SLC25A48: variants seen among roughly 807,000 people sequenced by gnomAD.
SLC25A48 encodes CTC-321K16.1.
In SLC25A48, 29 loss-of-function variants were observed where a neutral mutation model predicts 32.2. That is an observed-to-expected ratio of 0.90 (90% CI 0.67 to 1.23). SLC25A48 has a LOEUF of 1.23. Among genes scored for constraint, SLC25A48 ranks in the 50% most tolerant of loss-of-function variants. The probability of loss-of-function intolerance (pLI) is 0.00; values close to 1 mark genes in which losing one functional copy is unlikely to be tolerated. For missense variants in SLC25A48, 399 were observed against 422.7 expected (o/e 0.94, Z 0.49); for synonymous variants, 164 against 172.3 (o/e 0.95, Z 0.38).
At chr5:135,670,836 T>C (rs1257949632) in intron 3 of SLC25A48, among the ~76,000 whole-genome samples, 6 of 152,194 alleles carry the variant, frequency 3.9e-5, no homozygotes, top group South Asian at 2.1e-4. Flanking sequence ...ATTAGACATA[T>C]CAGATTCAAA....
Position 135,744,579 on chromosome 5 carries a change from C to T in SLC25A48, c.-520-67944C>T, listed in dbSNP as rs1277489456. Among the ~76,000 whole-genome samples, 21 of 149,348 alleles carry T rather than the reference C, an allele frequency of 1.4e-4. No individual in the cohort carries two copies. In the East Asian group the frequency reaches 1.8e-3, roughly 13 times the overall value. On this transcript the variant is annotated intron_variant, in intron 3 of 10. Transcript: ENST00000646290. ...CTTGAACTCCTGACCTCAAGTGATCCACCTGCCTCGGCCTCCTAAAGTGCT... is the reference window on the plus strand; with the variant it reads ...CTTGAACTCCTGACCTCAAGTGATCTACCTGCCTCGGCCTCCTAAAGTGCT...
intron 4 of SLC25A48, among the ~76,000 whole-genome samples, chr5:135,863,453 C>T (rs576981560): frequency 1.3e-5 from 2 of 152,154 alleles, no homozygotes; most frequent in African/African-American, 2.4e-5. Context: ...ACATTAGATG[C>T]AAACACCAAG....
intron 1 of SLC25A48, among the ~76,000 whole-genome samples, chr5:135,607,535 TTACTC>T (rs1009501731): frequency 2.6e-5 from 4 of 152,200 alleles, no homozygotes; most frequent in African/African-American, 7.2e-5. Flanking sequence ...CTCCCAAACT[TTACTC>T]TAGAATGAGA....
chr5:135,725,126 CAG>C (rs1181943516), intron 3 of SLC25A48, among the ~76,000 whole-genome samples: 72 of 152,390 alleles, frequency 4.7e-4, no homozygotes, highest in Non-Finnish European at 1.5e-5. Context: ...GCTACAGGAA[CAG>C]AGACAGCTTT....
chr5:135,770,956 A>AC (rs1490190905), intron 3 of SLC25A48, among the ~76,000 whole-genome samples: 1 of 151,758 alleles, frequency 6.6e-6, no homozygotes, highest in Non-Finnish European at 1.5e-5. Flanking sequence ...GAGGTGTTCA[A>AC]CCCCCTGTTA....
At chr5:135,783,086 A>G (rs7728886) in intron 3 of SLC25A48, among the ~76,000 whole-genome samples, 58,149 of 111,886 alleles carry the variant, frequency 0.52, 22,153 homozygotes, top group Middle Eastern at 0.71. Flanking sequence ...TTCCAATACC[A>G]CAGCACAGTT....
rs374461415 is a variant in SLC25A48 at position 135,747,869 on chromosome 5, A to C, written c.-520-64654A>C. Among the ~76,000 whole-genome samples the C allele has an allele frequency of 1.4e-4, 21 of 152,328 alleles. No homozygotes were observed. The South Asian group carries it at 4.1e-3, about 30-fold the overall frequency. On this transcript the variant is annotated intron_variant, in intron 3 of 10. Coordinates refer to the SLC25A48 transcript ENST00000646290. ...AGTCCTACTGTCTCCATTTTGGATG[A>C]GGAAACTGAGGCTTAAAGTAGTTAA...
chr5:135,721,465 A>C (rs1754954930), intron 3 of SLC25A48, among the ~76,000 whole-genome samples: 1 of 151,880 alleles, frequency 6.6e-6, no homozygotes, highest in African/African-American at 2.4e-5. Flanking sequence ...GGTCTCCCAA[A>C]GTGCTGGGAT....
chr5:135,678,239 C>T (rs1178245225), intron 3 of SLC25A48, among the ~76,000 whole-genome samples: 2 of 151,922 alleles, frequency 1.3e-5, no homozygotes, highest in South Asian at 4.2e-4. Flanking sequence ...TTAGTTTTGC[C>T]TGACTGGGTT....
chr5:135,666,657 C>CAGAGAG (rs70976575), intron 3 of SLC25A48, among the ~76,000 whole-genome samples: 130 of 150,060 alleles, frequency 8.7e-4, no homozygotes, highest in East Asian at 2.6e-3. Flanking sequence ...TTCAGGGCAT[C>CAGAGAG]AGAGAGAGAG....
At chr5:135,732,515 G>A (rs1196212585) in intron 3 of SLC25A48, among the ~76,000 whole-genome samples, 1 of 152,196 alleles carries the variant, frequency 6.6e-6, no homozygotes. Context: ...CGAGCTTGAT[G>A]TGTAGGGAAT....
intron 3 of SLC25A48, among the ~76,000 whole-genome samples, chr5:135,806,248 G>A (rs1757461376): frequency 6.6e-6 from 1 of 151,610 alleles, no homozygotes; most frequent in South Asian, 2.1e-4. Context: ...TACACCCTGT[G>A]GGTATGTACT....
intron 3 of SLC25A48, chr5:135,742,445 TG>T: frequency 6.6e-7 from 1 of 1,509,290 alleles, no homozygotes. Context: ...CAGTGGTTCC[TG>T]AGGTCTCACC....
chr5:135,704,415 G>C (rs1193804472), intron 3 of SLC25A48, among the ~76,000 whole-genome samples: 1 of 152,164 alleles, frequency 6.6e-6, no homozygotes, highest in East Asian at 1.9e-4. Flanking sequence ...ACTAGGGATG[G>C]TGACAACATC....
rs1229243346 is a variant in SLC25A48, at chr5:135,783,841, G to T, written c.-520-28682G>T. On this transcript the variant is annotated intron_variant, in intron 3 of 10. Transcript: ENST00000646290. ...AGAAGAATATATTAATTCCAATATC[G>T]CTGGGAGCGAACACTTTCCCTGTAA... Among the ~76,000 whole-genome samples the T allele has an allele frequency of 2.5e-5, 3 of 117,980 alleles. 1 individual carries two copies. The highest frequency in any genetic ancestry group is 4.2e-5 in the Non-Finnish European group (2 of 47,714). 77.4% of individuals were successfully genotyped at this position (117,980 alleles called of 152,430 possible).
intron 7 of SLC25A48, 27 bp from the exon 8 acceptor site, chr5:135,888,005 T>C: frequency 6.5e-7 from 1 of 1,549,642 alleles, no homozygotes; most frequent in Non-Finnish European, 8.7e-7. Flanking sequence ...CCTTCTTCTC[T>C]GAGTCTGGGT....
chr5:135,646,819 G>T (rs1002158857), intron 3 of SLC25A48, among the ~76,000 whole-genome samples: 1 of 151,514 alleles, frequency 6.6e-6, no homozygotes, highest in African/African-American at 2.4e-5. Flanking sequence ...TGACTAGGGA[G>T]TGGGGGAAAT....
intron 3 of SLC25A48, among the ~76,000 whole-genome samples, chr5:135,696,639 T>G (rs1274201893): frequency 6.6e-6 from 1 of 152,248 alleles, no homozygotes; most frequent in Non-Finnish European, 1.5e-5. Context: ...GGATTGTCAC[T>G]GGAGGCAGGT....
chr5:135,854,212 T>C (rs1181156210), intron 4 of SLC25A48, among the ~76,000 whole-genome samples: 1 of 152,226 alleles, frequency 6.6e-6, no homozygotes, highest in Non-Finnish European at 1.5e-5. Flanking sequence ...ATTTTCAGAA[T>C]GGTAAGTGAG....
Sources: gnomAD v4.1 joint callset for allele counts (sites outside exome capture counted in the v4.1 genomes callset) on GRCh38, gnomAD v4.1.1 for gene constraint, MANE v1.5 for transcripts, NCBI Gene and HGNC (gene_info 2026-07-23, HGNC 2026-07-21) for gene names.